Variants in TRIQK observed in about 807,000 individuals in gnomAD.
TRIQK encodes the protein triple QxxK/R motif containing.
Under a neutral mutation model 10.8 loss-of-function variants are expected in TRIQK, and 10 were observed. The ratio of observed to expected loss-of-function variants is 0.92; its 90% CI spans 0.57 to 1.57. TRIQK has a LOEUF of 1.57. Ranked by LOEUF, TRIQK falls within the 40% of genes most tolerant of loss-of-function variation. The probability of loss-of-function intolerance (pLI) is 0.00; values close to 1 mark genes in which losing one functional copy is unlikely to be tolerated. For missense variants in TRIQK, 107 were observed against 97.7 expected (o/e 1.09, Z -0.40); for synonymous variants, 33 against 33.7 (o/e 0.98, Z 0.07).
chr8:92,975,049 A>T (rs1240110093), intron 1 of TRIQK, among the ~76,000 whole-genome samples: 1 of 152,140 alleles, frequency 6.6e-6, no homozygotes, highest in African/African-American at 2.4e-5. Context: ...GCTCTCAGGG[A>T]TGCTCACCTT....
chr8:92,991,982 C>T (rs1463063810), intron 1 of TRIQK, among the ~76,000 whole-genome samples: 4 of 152,106 alleles, frequency 2.6e-5, no homozygotes, highest in Non-Finnish European at 5.9e-5. Context: ...GAACTACAAA[C>T]CACTGCTCAA....
intron 3 of TRIQK, 23 bp from the exon 4 acceptor site, chr8:92,892,097 A>G (rs1661173342): frequency 1.4e-6 from 2 of 1,397,174 alleles, no homozygotes; most frequent in South Asian, 1.3e-5. Flanking sequence ...AGTTTCAGAC[A>G]ATGAGTTATG....
chr8:93,015,953 A>T (rs1813381202), intron 1 of TRIQK, among the ~76,000 whole-genome samples: 1 of 152,152 alleles, frequency 6.6e-6, no homozygotes, highest in Admixed American at 6.5e-5. Flanking sequence ...TAAGTAAAAA[A>T]ATAAATAAAA....
intron 1 of TRIQK, among the ~76,000 whole-genome samples, chr8:93,011,698 C>T (rs937052541): frequency 1.6e-4 from 25 of 152,122 alleles, no homozygotes; most frequent in Admixed American, 1.5e-3. Context: ...ATAGCATTCA[C>T]TATGTGCCAA....
chr8:92,998,106 C>A (rs1429873216), intron 1 of TRIQK, among the ~76,000 whole-genome samples: 1 of 151,818 alleles, frequency 6.6e-6, no homozygotes, highest in Non-Finnish European at 1.5e-5. Flanking sequence ...GCTCAGTCAG[C>A]CTCAAGGCTA....
intron 1 of TRIQK, among the ~76,000 whole-genome samples, chr8:92,976,619 G>A (rs1563671285): frequency 6.6e-6 from 1 of 151,858 alleles, no homozygotes; most frequent in Non-Finnish European, 1.5e-5. Flanking sequence ...TGAGGTGTTA[G>A]ACCATTTATG....
At chr8:92,919,021 T>G (rs2130474057) in intron 2 of TRIQK, among the ~76,000 whole-genome samples, 1 of 151,958 alleles carries the variant, frequency 6.6e-6, no homozygotes, top group South Asian at 2.1e-4. Flanking sequence ...TTATAAAAAA[T>G]GAGTAGACTC....
At chr8:92,999,539 A>G (rs2130755530) in intron 1 of TRIQK, among the ~76,000 whole-genome samples, 1 of 152,288 alleles carries the variant, frequency 6.6e-6, no homozygotes, top group African/African-American at 2.4e-5. Context: ...AGAAGGTCTT[A>G]ATGGCCATGT....
At chr8:92,996,662 A>G (rs772979908) in intron 1 of TRIQK, among the ~76,000 whole-genome samples, 7 of 151,986 alleles carry the variant, frequency 4.6e-5, no homozygotes, top group Non-Finnish European at 7.4e-5. Flanking sequence ...GGTTATGTTA[A>G]CATATTACAT....
chr8:92,893,550 G>C (rs758786793), intron 3 of TRIQK, among the ~76,000 whole-genome samples: 2 of 151,850 alleles, frequency 1.3e-5, no homozygotes, highest in African/African-American at 4.8e-5. Context: ...AAATACATGA[G>C]AAAAATGTTA....
intron 2 of TRIQK, among the ~76,000 whole-genome samples, chr8:92,937,492 T>C (rs2130587852): frequency 6.6e-6 from 1 of 151,978 alleles, no homozygotes; most frequent in South Asian, 2.1e-4. Context: ...AAGATCATTT[T>C]ATTTAATGTA....
chr8:92,887,922 G>A (rs1340265684), intron 4 of TRIQK, among the ~76,000 whole-genome samples: 1 of 151,582 alleles, frequency 6.6e-6, no homozygotes, highest in Non-Finnish European at 1.5e-5. Context: ...AAACTCAAGT[G>A]TCAAAGATCT....
chr8:92,927,837 CT>C (rs969910526), intron 2 of TRIQK: 118 of 152,138 alleles, frequency 7.8e-4, no homozygotes, highest in African/African-American at 2.7e-3. Context: ...AGCTGGGCTT[CT>C]TGTTTGATTT....
intron 2 of TRIQK, among the ~76,000 whole-genome samples, chr8:92,925,555 A>T (rs1810405837): frequency 6.6e-6 from 1 of 152,162 alleles, no homozygotes; most frequent in Admixed American, 6.5e-5. Flanking sequence ...CTAATAATTT[A>T]AAAAGGGGTC....
At chr8:92,918,776 C>CCG (rs1810003813) in intron 2 of TRIQK, among the ~76,000 whole-genome samples, 3 of 108,296 alleles carry the variant, frequency 2.8e-5, no homozygotes, top group Admixed American at 8.4e-5. Context: ...TGAGATCTTA[C>CCG]CCCCCCCCAC....
chr8:92,989,159 G>T (rs1813068284), intron 1 of TRIQK, among the ~76,000 whole-genome samples: 1 of 152,188 alleles, frequency 6.6e-6, no homozygotes, highest in African/African-American at 2.4e-5. Context: ...TTTTAAAATA[G>T]TCAACTTAGA....
intron 2 of TRIQK, chr8:92,929,409 G>T (rs1238897170): frequency 1.3e-5 from 2 of 152,042 alleles, no homozygotes; most frequent in African/African-American, 4.8e-5. Flanking sequence ...AAACCTAATA[G>T]AATTAATTAA....
At chr8:92,957,599 T>G (rs1812240541) in intron 1 of TRIQK, among the ~76,000 whole-genome samples, 1 of 151,922 alleles carries the variant, frequency 6.6e-6, no homozygotes, top group Non-Finnish European at 1.5e-5. Flanking sequence ...TTTAAATATC[T>G]AAGCAAAGAA....
intron 1 of TRIQK, among the ~76,000 whole-genome samples, chr8:92,982,991 T>TTTATGAAA (rs572331843): frequency 1.2e-3 from 175 of 152,152 alleles, no homozygotes; most frequent in African/African-American, 4.1e-3. Context: ...AATGTTCTCA[T>TTTATGAAA]TTATGAAATT....
Sources: gnomAD v4.1 joint callset for allele counts (sites outside exome capture counted in the v4.1 genomes callset) on GRCh38, gnomAD v4.1.1 for gene constraint, MANE v1.5 for transcripts, NCBI Gene and HGNC (gene_info 2026-07-23, HGNC 2026-07-21) for gene names.